HCRTR2: variants seen among roughly 807,000 people sequenced by gnomAD.
HCRTR2 encodes the protein orexin receptor type 2.
HCRTR2 carries 22 observed loss-of-function variants against 49.0 expected under a neutral mutation model. The observed-to-expected ratio is 0.45, with a 90% CI of 0.32 to 0.64. HCRTR2 has a LOEUF of 0.64. Ranked by LOEUF, HCRTR2 falls within the 30% of genes least tolerant of loss-of-function variation. The pLI is 0.04. For missense variants in HCRTR2, 491 were observed against 559.4 expected, an observed-to-expected ratio of 0.88 and a Z score of 1.23; for synonymous variants, 236 against 205.3, an observed-to-expected ratio of 1.15 and a Z score of -1.28.
chr6:55,167,718 A>G (rs551641823), intron 1 of HCRTR2, among the ~76,000 whole-genome samples: 2 of 152,258 alleles, frequency 1.3e-5, no homozygotes, highest in Non-Finnish European at 2.9e-5. Flanking sequence ...ACGATAATGG[A>G]TAGTTTCTAG....
intron 1 of HCRTR2, among the ~76,000 whole-genome samples, chr6:55,123,919 G>T (rs879132260): frequency 6.6e-6 from 1 of 152,138 alleles, no homozygotes; most frequent in African/African-American, 2.4e-5. Context: ...GTCTAGAGGT[G>T]TTTATAGTAT....
intron 1 of HCRTR2, among the ~76,000 whole-genome samples, chr6:55,233,399 T>C (rs1327965540): frequency 6.6e-6 from 1 of 152,034 alleles, no homozygotes; most frequent in Non-Finnish European, 1.5e-5. Flanking sequence ...CCAAAGCTGG[T>C]TTTTAAAAGG....
At chr6:55,134,558 A>G (rs1298423169) in intron 1 of HCRTR2, among the ~76,000 whole-genome samples, 1 of 151,890 alleles carries the variant, frequency 6.6e-6, no homozygotes, top group African/African-American at 2.4e-5. Flanking sequence ...TATGCTATAT[A>G]TTAGATCCCC....
chr6:55,114,811 A>G (rs191439224), intron 1 of HCRTR2, among the ~76,000 whole-genome samples: 1 of 151,952 alleles, frequency 6.6e-6, no homozygotes, highest in Admixed American at 6.6e-5. Flanking sequence ...TATCTAATAC[A>G]GAAACATAGT....
At chr6:55,259,399 C>G (rs928081887) in intron 3 of HCRTR2, among the ~76,000 whole-genome samples, 23 of 151,626 alleles carry the variant, frequency 1.5e-4, no homozygotes, top group African/African-American at 4.4e-4. Flanking sequence ...CTTAATGAAC[C>G]CCTAAACTTT....
intron 1 of HCRTR2, among the ~76,000 whole-genome samples, chr6:55,206,626 A>T (rs541831505): frequency 1.3e-5 from 2 of 152,050 alleles, no homozygotes; most frequent in African/African-American, 4.8e-5. Context: ...TTCTAAAAAT[A>T]TCAGCAAACC....
chr6:55,118,377 T>G (rs539318332), intron 1 of HCRTR2, among the ~76,000 whole-genome samples: 2 of 152,112 alleles, frequency 1.3e-5, no homozygotes, highest in East Asian at 3.9e-4. Context: ...GCATGTGTCT[T>G]TATAATAGAA....
chr6:55,225,575 GA>G (rs1237804592), intron 1 of HCRTR2, among the ~76,000 whole-genome samples: 1 of 152,066 alleles, frequency 6.6e-6, no homozygotes, highest in Non-Finnish European at 1.5e-5. Flanking sequence ...AAGGCATAGA[GA>G]ATAAAAATTT....
chr6:55,254,091 T>C (rs935410765), intron 2 of HCRTR2, among the ~76,000 whole-genome samples: 6 of 152,098 alleles, frequency 3.9e-5, no homozygotes, highest in African/African-American at 7.2e-5. Context: ...GTATCAGATA[T>C]TGGGGACACA....
chr6:55,110,881 A>C (rs1180726761), intron 1 of HCRTR2, among the ~76,000 whole-genome samples: 1 of 152,090 alleles, frequency 6.6e-6, no homozygotes, highest in Non-Finnish European at 1.5e-5. Context: ...CAAACTTAAC[A>C]GACATTTACA....
chr6:55,166,771 T>C (rs1270685643), intron 1 of HCRTR2, among the ~76,000 whole-genome samples: 4 of 152,072 alleles, frequency 2.6e-5, no homozygotes, highest in Non-Finnish European at 5.9e-5. Flanking sequence ...ATCAGTATTA[T>C]ATATAATTGG....
At chr6:55,115,812 A>T (rs769137597) in intron 1 of HCRTR2, among the ~76,000 whole-genome samples, 12 of 149,920 alleles carry the variant, frequency 8.0e-5, no homozygotes, top group Non-Finnish European at 1.6e-4. Context: ...ATACAGAGAT[A>T]TTCATTCAAA....
intron 1 of HCRTR2, among the ~76,000 whole-genome samples, chr6:55,191,650 A>C (rs1412053347): frequency 6.6e-6 from 1 of 152,180 alleles, no homozygotes; most frequent in Admixed American, 6.5e-5. Context: ...ATGACAGTCT[A>C]AAAACAAAAA....
At chr6:55,200,612 A>G (rs1765496745) in intron 1 of HCRTR2, among the ~76,000 whole-genome samples, 3 of 152,164 alleles carry the variant, frequency 2.0e-5, no homozygotes, top group Admixed American at 1.3e-4. Context: ...TGCCCTGCTT[A>G]TAATTTTCCA....
chr6:55,245,021 T>C (rs766365521), intron 1 of HCRTR2, among the ~76,000 whole-genome samples: 2 of 152,038 alleles, frequency 1.3e-5, no homozygotes, highest in Non-Finnish European at 2.9e-5. Flanking sequence ...TTGATCTATA[T>C]GTCTATTTTT....
intron 5 of HCRTR2, among the ~76,000 whole-genome samples, chr6:55,280,077 T>C (rs1208474863): frequency 2.0e-5 from 3 of 152,192 alleles, no homozygotes; most frequent in African/African-American, 7.2e-5. Context: ...AAATACTGCA[T>C]CTGCTATTTG....
chr6:55,139,659 C>A (rs1764480183), intron 1 of HCRTR2, among the ~76,000 whole-genome samples: 1 of 152,022 alleles, frequency 6.6e-6, no homozygotes, highest in Non-Finnish European at 1.5e-5. Context: ...ATAAAAGCAC[C>A]GGGTAAACCA....
chr6:55,117,930 G>A (rs952940057), intron 1 of HCRTR2, among the ~76,000 whole-genome samples: 8 of 151,502 alleles, frequency 5.3e-5, no homozygotes, highest in Non-Finnish European at 7.4e-5. Flanking sequence ...CACATGTGCA[G>A]GATCTGCAGG....
intron 1 of HCRTR2, among the ~76,000 whole-genome samples, chr6:55,123,442 A>C (rs968159082): frequency 3.9e-5 from 6 of 152,086 alleles, no homozygotes; most frequent in African/African-American, 1.2e-4. Context: ...TGATTCGCTT[A>C]TGTTGAACCA....
Sources: allele counts gnomAD v4.1 joint callset (sites outside exome capture counted in the v4.1 genomes callset), GRCh38; gene constraint gnomAD v4.1.1; transcripts MANE v1.5; gene names NCBI Gene and HGNC (gene_info 2026-07-23, HGNC 2026-07-21).